Variants in CYP4F2 observed in about 807,000 individuals in gnomAD.
CYP4F2 encodes cytochrome P450 4F2.
A neutral mutation model predicts 58.9 loss-of-function variants in CYP4F2; 58 were observed. The ratio of observed to expected loss-of-function variants is 0.98; its 90% CI spans 0.80 to 1.23. The LOEUF (loss-of-function observed/expected upper bound fraction) is 1.23. Ranked by LOEUF, CYP4F2 falls within the 50% of genes most tolerant of loss-of-function variation. CYP4F2 has a pLI of 0.00. For synonymous variants in CYP4F2, 287 were observed against 261.1 expected (o/e 1.10, Z -0.95); for missense variants, 616 against 685.6 (o/e 0.90, Z 1.13).
Position 15,878,956 on chromosome 19 carries a change from A to G in CYP4F2, c.1398-20T>C, listed in dbSNP as rs377164041. ...CAGTTCCTAGGGGAGGGAGGTGGGA[A>G]CTCTGACTGCACCCAGGAGCCCCAT... On this transcript the variant is annotated intron_variant, in intron 12 of 12. Coordinates refer to ENST00000221700, the MANE Select transcript of CYP4F2 (RefSeq NM_001082.5). 8 of 1,609,958 alleles carry G rather than the reference A, an allele frequency of 5.0e-6. No homozygotes were observed. In the African/African-American group the frequency reaches 6.7e-5, roughly 13 times the overall value.
chr19:15,883,437 T>C (rs915425946), intron 9 of CYP4F2, among the ~76,000 whole-genome samples: 14 of 152,034 alleles, frequency 9.2e-5, no homozygotes, highest in African/African-American at 3.4e-4. Flanking sequence ...TATCATCTCA[T>C]CCCAGTTAAA....
chr19:15,890,192 A>G, intron 6 of CYP4F2, 120 bp downstream of exon 6: 1 of 1,513,034 alleles, frequency 6.6e-7, no homozygotes, highest in Non-Finnish European at 9.1e-7. Flanking sequence ...TCCTTCAATG[A>G]TCAGGTATAA....
chr19:15,896,233 GCTAT>G (rs10638260), intron 2 of CYP4F2, among the ~76,000 whole-genome samples: 10,285 of 148,298 alleles, frequency 0.069, 407 homozygotes, highest in African/African-American at 0.11. Flanking sequence ...TATCCTATTA[GCTAT>G]CTATCTATCT....
chr19:15,893,061 T>C (rs58035316), intron 3 of CYP4F2, among the ~76,000 whole-genome samples: 1,918 of 152,258 alleles, frequency 0.013, 32 homozygotes, highest in African/African-American at 0.043. Flanking sequence ...TAACATGAGA[T>C]GGTGTGCTCT....
intron 1 of CYP4F2, 159 bp from the exon 2 acceptor site, chr19:15,897,771 G>T: frequency 1.2e-6 from 1 of 866,478 alleles, no homozygotes; most frequent in Middle Eastern, 3.4e-4. Flanking sequence ...GTCCAGAAAG[G>T]CCCAACCAAA....
At chr19:15,885,665 G>C (rs553423721) in intron 9 of CYP4F2, among the ~76,000 whole-genome samples, 2 of 73,410 alleles carry the variant, frequency 2.7e-5, no homozygotes, top group Admixed American at 1.1e-4. Flanking sequence ...TTCATTTGCT[G>C]AACACGTCTA....
rs2089322079 is a variant in CYP4F2, at chr19:15,878,816, C to A, written c.1518G>T (p.Leu506=). The A allele has an allele frequency of 6.2e-7, 1 of 1,613,930 alleles. No homozygotes were observed. Among genetic ancestry groups the A allele is most frequent in the Non-Finnish European group, 8.5e-7 (1 of 1,179,912 alleles). ...GCAGCCAAAGTCCGCCCTCTGCGCG[C>A]AGGACCAGCTCCGGCTTCCTGCGGG... ...TEPRRKPELV[L]RAEGGLWLRV... The change falls in exon 13 of 13, where the codon CTG becomes CTT. Residue 506 remains leucine (L), a synonymous_variant. Coordinates refer to ENST00000221700, the MANE Select transcript of CYP4F2 (RefSeq NM_001082.5).
intron 9 of CYP4F2, among the ~76,000 whole-genome samples, chr19:15,883,487 T>C (rs2089357195): frequency 6.6e-6 from 1 of 152,040 alleles, no homozygotes; most frequent in Admixed American, 6.5e-5. Flanking sequence ...TAGACACTGG[T>C]GAGGATATGG....
chr19:15,891,101 G>A (rs953726740), intron 5 of CYP4F2, among the ~76,000 whole-genome samples: 1 of 152,182 alleles, frequency 6.6e-6, no homozygotes, highest in African/African-American at 2.4e-5. Context: ...ATGAATGCAA[G>A]ACACTGATGT....
intron 6 of CYP4F2, 64 bp from the exon 7 acceptor site, chr19:15,889,757 C>T: frequency 1.3e-6 from 2 of 1,583,490 alleles, no homozygotes; most frequent in Non-Finnish European, 1.7e-6. Context: ...GGATCACCTC[C>T]CACCAGCAGC....
At position 15,879,205 on chromosome 19, in the gene CYP4F2, C is replaced by T. The variant is rs2089327072; in HGVS notation, c.1397+141G>A. 4 of 1,345,918 alleles carry T rather than the reference C, an allele frequency of 3.0e-6. No individual in the cohort carries two copies. The East Asian group carries it at 9.3e-5, about 31-fold the overall frequency. The allele number at this position is 1,345,918 out of a possible 1,614,324, so 83.4% of individuals were successfully genotyped here. A position where few individuals can be genotyped will look rare whatever the true frequency, so the allele number is the denominator to read the frequency against. ...ACCAACCCAACCGTACTCTATGGAC[C>T]TTTTCCTATAAACTCCAGAGGAGGT... On this transcript the variant is annotated intron_variant, in intron 12 of 12. Coordinates refer to ENST00000221700, the MANE Select transcript of CYP4F2 (RefSeq NM_001082.5).
intron 9 of CYP4F2, among the ~76,000 whole-genome samples, chr19:15,882,118 G>A (rs992095716): frequency 1.3e-5 from 2 of 152,062 alleles, no homozygotes; most frequent in African/African-American, 4.8e-5. Context: ...GGTTGCGGGA[G>A]CCTGTAATCC....
chr19:15,892,354 C>T lies in CYP4F2; in HGVS notation c.480G>A (p.Leu160=). 1.2e-6 allele frequency: 2 copies of T among 1,614,164 alleles called. No homozygotes were observed. The highest frequency in any genetic ancestry group is 1.7e-6 in the Non-Finnish European group (2 of 1,180,030). ...MLTPAFHFNI[L]KPYMKIFNES... is the part of the protein sequence containing the mutation. ...CATTGAAAATCTTCATATAGGGCTT[C>T]AGGATGTTGAAATGGAAGGCAGGCG... Residue 160 remains leucine (L), a synonymous_variant, in exon 5 of 13, where the codon CTG becomes CTA. Transcript: ENST00000221700.
chr19:15,892,532 G>T lies in CYP4F2; in HGVS notation c.394C>A (p.Leu132Met). The change falls in exon 4 of 13, where the codon CTG becomes ATG. Residue 132 changes from leucine (L) to methionine (M), a missense_variant. By Grantham distance (15) the Leu-to-Met change is conservative. Coordinates refer to ENST00000221700, the MANE Select transcript of CYP4F2 (RefSeq NM_001082.5). ...KFFYSFLEPW[L>M]GDGLLLSAGD... ...CTGTTCACCTGCAGATACTCACCCA[G>T]CCAGGGCTCCAGGAAGCTGTAGAAG... 6.2e-7 allele frequency: 1 copy of T among 1,614,066 alleles called. No homozygotes were observed. Among genetic ancestry groups the T allele is most frequent in the Non-Finnish European group, 8.5e-7 (1 of 1,179,980 alleles).
intron 3 of CYP4F2, among the ~76,000 whole-genome samples, chr19:15,895,019 G>T (rs1433084422): frequency 6.6e-6 from 1 of 152,186 alleles, no homozygotes; most frequent in Non-Finnish European, 1.5e-5. Context: ...GGCCTGGCAA[G>T]GGGCCTTGAA....
At chr19:15,891,505 A>G (rs2089416265) in intron 5 of CYP4F2, among the ~76,000 whole-genome samples, 1 of 152,046 alleles carries the variant, frequency 6.6e-6, no homozygotes, top group African/African-American at 2.4e-5. Context: ...CTTTGCCACA[A>G]TTCTTCCCTT....
intron 7 of CYP4F2, among the ~76,000 whole-genome samples, chr19:15,887,843 G>A (rs1463414674): frequency 6.9e-6 from 1 of 144,932 alleles, no homozygotes; most frequent in Non-Finnish European, 1.5e-5. Flanking sequence ...CATAAACATA[G>A]ACATAGACAC....
intron 9 of CYP4F2, among the ~76,000 whole-genome samples, chr19:15,881,977 G>T (rs763255710): frequency 1.3e-5 from 2 of 152,162 alleles, no homozygotes; most frequent in African/African-American, 2.4e-5. Flanking sequence ...GGGCGCGGTG[G>T]CTCACGCCTG....
chr19:15,890,507 G>T, intron 5 of CYP4F2, 74 bp from the exon 6 acceptor site: 1 of 1,585,730 alleles, frequency 6.3e-7, no homozygotes, highest in South Asian at 1.2e-5. Flanking sequence ...CAACTGCCAA[G>T]ATGGGCTCCC....
Sources: allele counts gnomAD v4.1 joint callset (sites outside exome capture counted in the v4.1 genomes callset), GRCh38; gene constraint gnomAD v4.1.1; transcripts MANE v1.5; gene names NCBI Gene and HGNC (gene_info 2026-07-23, HGNC 2026-07-21).